The following ZFHX3 variants were observed in gnomAD, a reference collection of about 807,000 sequenced individuals.
ZFHX3 encodes the protein zinc finger homeobox 3, also known as zinc finger homeobox protein 3.
A neutral mutation model predicts 279.1 loss-of-function variants in ZFHX3; 42 were observed. The ratio of observed to expected loss-of-function variants is 0.15; its 90% CI spans 0.12 to 0.19. The LOEUF (loss-of-function observed/expected upper bound fraction) is 0.19. Ranked by LOEUF, ZFHX3 falls within the 10% of genes least tolerant of loss-of-function variation. The pLI is 1.00. For synonymous variants in ZFHX3, 2,293 were observed against 1,957.8 expected, an observed-to-expected ratio of 1.17 and a Z score of -4.52; for missense variants, 4,981 against 4,754.0, an observed-to-expected ratio of 1.05 and a Z score of -1.40.
intron 1 of ZFHX3, among the ~76,000 whole-genome samples, chr16:72,991,784 T>A (rs997110631): frequency 6.6e-6 from 1 of 152,120 alleles, no homozygotes; most frequent in Non-Finnish European, 1.5e-5. Context: ...TTTTTCAGGG[T>A]GTTTCACCCA....
intron 3 of ZFHX3, among the ~76,000 whole-genome samples, chr16:73,325,219 A>C (rs1430256414): frequency 1.3e-5 from 2 of 152,164 alleles, no homozygotes; most frequent in African/African-American, 2.4e-5. Context: ...GGTTAATGTG[A>C]GGTCAGTTCC....
At chr16:72,903,204 C>CTAA (rs1290252704) in intron 3 of ZFHX3, among the ~76,000 whole-genome samples, 2 of 152,202 alleles carry the variant, frequency 1.3e-5, no homozygotes, top group Non-Finnish European at 2.9e-5. Flanking sequence ...ATGCTAAGGG[C>CTAA]AGGTCCCGCC....
chr16:73,272,201 A>T (rs1340610937), intron 4 of ZFHX3, among the ~76,000 whole-genome samples: 1 of 152,206 alleles, frequency 6.6e-6, no homozygotes. Context: ...AAAAAATTTT[A>T]AGTGCTCTTT....
chr16:73,172,484 T>A (rs1162321408), intron 5 of ZFHX3, among the ~76,000 whole-genome samples: 2 of 152,234 alleles, frequency 1.3e-5, no homozygotes, highest in Admixed American at 6.5e-5. Flanking sequence ...TTGTTTGAAT[T>A]TCCACTGCTT....
chr16:73,265,062 C>A (rs937896965), intron 4 of ZFHX3, among the ~76,000 whole-genome samples: 1 of 140,552 alleles, frequency 7.1e-6, no homozygotes, highest in Non-Finnish European at 1.5e-5. Flanking sequence ...TATAATAGCA[C>A]CTCAGCGCAT....
At chr16:73,212,978 G>C (rs1379741078) in intron 5 of ZFHX3, among the ~76,000 whole-genome samples, 2 of 152,206 alleles carry the variant, frequency 1.3e-5, no homozygotes, top group African/African-American at 2.4e-5. Context: ...AGAAACGCAG[G>C]AAGTAATCAA....
intron 3 of ZFHX3, among the ~76,000 whole-genome samples, chr16:73,409,808 G>C (rs1361792637): frequency 1.3e-5 from 2 of 152,180 alleles, no homozygotes; most frequent in Non-Finnish European, 2.9e-5. Context: ...ATAATTTGCA[G>C]CAACATAGAT....
At chr16:73,718,034 C>G (rs1318873955) in intron 1 of ZFHX3, among the ~76,000 whole-genome samples, 1 of 152,198 alleles carries the variant, frequency 6.6e-6, no homozygotes, top group African/African-American at 2.4e-5. Flanking sequence ...CATACAAATT[C>G]AAACCCTAAC....
intron 1 of ZFHX3, among the ~76,000 whole-genome samples, chr16:73,039,823 T>G (rs992298860): frequency 6.6e-6 from 1 of 152,122 alleles, no homozygotes; most frequent in East Asian, 1.9e-4. Context: ...TGAGCCACCA[T>G]GCACAACCCA....
intron 2 of ZFHX3, among the ~76,000 whole-genome samples, chr16:73,664,411 C>A (rs1182331992): frequency 6.6e-6 from 1 of 152,160 alleles, no homozygotes; most frequent in Non-Finnish European, 1.5e-5. Context: ...CAGCATAGTG[C>A]TATATGCAGT....
chr16:73,036,686 C>A (rs1392288851), intron 1 of ZFHX3, among the ~76,000 whole-genome samples: 2 of 152,052 alleles, frequency 1.3e-5, no homozygotes, highest in African/African-American at 4.8e-5. Flanking sequence ...ACTGCCCCTC[C>A]CGGCGCTTTG....
chr16:73,886,509 C>T (rs986945799), intron 1 of ZFHX3, among the ~76,000 whole-genome samples: 1 of 152,184 alleles, frequency 6.6e-6, no homozygotes, highest in Non-Finnish European at 1.5e-5. Flanking sequence ...TCAGAAAGCA[C>T]TTCTTATGCC....
chr16:73,841,044 G>T (rs888931119), intron 1 of ZFHX3, among the ~76,000 whole-genome samples: 1 of 152,224 alleles, frequency 6.6e-6, no homozygotes, highest in African/African-American at 2.4e-5. Context: ...CCAGGCTGGA[G>T]TCCTGGAAGT....
At chr16:73,115,274 C>T (rs558960367) in intron 7 of ZFHX3, among the ~76,000 whole-genome samples, 12 of 150,554 alleles carry the variant, frequency 8.0e-5, no homozygotes, top group Admixed American at 4.0e-4. Flanking sequence ...GGCGTGATGG[C>T]TCATGCCTGT....
At chr16:73,651,603 G>A (rs1005894061) in intron 2 of ZFHX3, among the ~76,000 whole-genome samples, 2 of 149,744 alleles carry the variant, frequency 1.3e-5, no homozygotes, top group African/African-American at 2.5e-5. Flanking sequence ...TTGGGAGGCC[G>A]AGGTGGGCAG....
At chr16:73,816,770 G>A (rs1306375455) in intron 1 of ZFHX3, among the ~76,000 whole-genome samples, 1 of 152,186 alleles carries the variant, frequency 6.6e-6, no homozygotes, top group Non-Finnish European at 1.5e-5. Flanking sequence ...AGACTGGATG[G>A]TTTGAAGTAA....
chr16:73,434,617 T>C (rs1045406655), intron 3 of ZFHX3, among the ~76,000 whole-genome samples: 1 of 152,140 alleles, frequency 6.6e-6, no homozygotes. Context: ...GGTGTTTTTT[T>C]TTTGTTGTTG....
intron 8 of ZFHX3, among the ~76,000 whole-genome samples, chr16:73,075,109 TTTTG>T (rs1965872137): frequency 6.6e-6 from 1 of 152,064 alleles, no homozygotes; most frequent in South Asian, 2.1e-4. Flanking sequence ...CACTCGGCCT[TTTTG>T]TTTGCTTGTT....
chr16:73,660,659 A>C (rs1427462325), intron 2 of ZFHX3, among the ~76,000 whole-genome samples: 1 of 152,162 alleles, frequency 6.6e-6, no homozygotes, highest in East Asian at 1.9e-4. Flanking sequence ...CTGTAGCCCC[A>C]CGAGAAACAC....
Sources: allele counts gnomAD v4.1 joint callset (sites outside exome capture counted in the v4.1 genomes callset), GRCh38; gene constraint gnomAD v4.1.1; transcripts MANE v1.5; gene names NCBI Gene and HGNC (gene_info 2026-07-23, HGNC 2026-07-21).